Variants in SOAT1 observed in about 807,000 individuals in gnomAD.
The protein encoded by SOAT1 is sterol O-acyltransferase 1, also known as acyl-coenzyme A:cholesterol acyltransferase 1.
In SOAT1, 55 loss-of-function variants were observed where a neutral mutation model predicts 69.5. That is an observed-to-expected ratio of 0.79 (90% CI 0.64 to 0.99). The LOEUF is 0.99. Among genes scored for constraint, SOAT1 ranks in the 50% least tolerant of loss-of-function variants. SOAT1 has a pLI of 0.00. For synonymous variants in SOAT1, 231 were observed against 224.7 expected (o/e 1.03, Z -0.25); for missense variants, 580 against 669.3 (o/e 0.87, Z 1.47).
intron 3 of SOAT1, among the ~76,000 whole-genome samples, chr1:179,324,514 A>G (rs1206896778): frequency 1.3e-5 from 2 of 152,256 alleles, no homozygotes; most frequent in African/African-American, 4.8e-5. Context: ...ACTGCTTTAT[A>G]AAGTGGTACT....
At chr1:179,320,604 A>G (rs1165914988) in intron 2 of SOAT1, among the ~76,000 whole-genome samples, 2 of 152,202 alleles carry the variant, frequency 1.3e-5, no homozygotes, top group African/African-American at 4.8e-5. Flanking sequence ...TAACAATATT[A>G]AATCTTCTAG....
intron 13 of SOAT1, among the ~76,000 whole-genome samples, chr1:179,349,485 G>A (rs1433176505): frequency 1.3e-5 from 2 of 151,788 alleles, no homozygotes; most frequent in African/African-American, 2.4e-5. Flanking sequence ...GCACCACCAC[G>A]CCCAGCTAAT....
chr1:179,302,536 G>T (rs1203101828), intron 1 of SOAT1, 141 bp from the exon 2 acceptor site: 2 of 489,148 alleles, frequency 4.1e-6, no homozygotes, highest in Admixed American at 3.5e-5. Context: ...TGCCATGATT[G>T]TAAGTTTCCT....
At chr1:179,307,060 A>T (rs17368880) in intron 2 of SOAT1, among the ~76,000 whole-genome samples, 2 of 151,970 alleles carry the variant, frequency 1.3e-5, no homozygotes, top group African/African-American at 4.8e-5. Flanking sequence ...TAGAAAGACC[A>T]CCTTTAATAC....
chr1:179,324,796 CTAGT>C (rs1386981479), intron 3 of SOAT1, among the ~76,000 whole-genome samples: 4 of 118,166 alleles, frequency 3.4e-5, no homozygotes, highest in Non-Finnish European at 7.5e-5. Flanking sequence ...TAGACACATG[CTAGT>C]TTGTTTGTTT....
chr1:179,348,802 G>GTA (rs1366040627), intron 12 of SOAT1, 42 bp from the exon 13 acceptor site: 1 of 510,686 alleles, frequency 2.0e-6, no homozygotes, highest in Non-Finnish European at 3.4e-6. Flanking sequence ...GTGTGTGTGT[G>GTA]TGTGTGTGTG....
intron 1 of SOAT1, among the ~76,000 whole-genome samples, chr1:179,299,519 G>A (rs1240345841): frequency 6.6e-6 from 1 of 151,912 alleles, no homozygotes; most frequent in East Asian, 1.9e-4. Flanking sequence ...CTATAGACAG[G>A]GAAGAGTATA....
intron 2 of SOAT1, among the ~76,000 whole-genome samples, chr1:179,318,273 A>G (rs10913718): frequency 0.49 from 74,848 of 151,248 alleles, 19,576 homozygotes; most frequent in East Asian, 0.84. Flanking sequence ...TAAAATTATA[A>G]TGGTACCATG....
intron 11 of SOAT1, among the ~76,000 whole-genome samples, chr1:179,347,182 C>A (rs1666560520): frequency 6.6e-6 from 1 of 151,918 alleles, no homozygotes; most frequent in Non-Finnish European, 1.5e-5. Flanking sequence ...CATGGTGAAA[C>A]CCGGTCTCTA....
intron 1 of SOAT1, among the ~76,000 whole-genome samples, chr1:179,294,992 AG>A (rs1210922977): frequency 2.0e-5 from 3 of 151,836 alleles, no homozygotes; most frequent in African/African-American, 7.3e-5. Context: ...TGACTTGTTA[AG>A]GAAGTCTGTG....
chr1:179,310,210 A>T (rs1971494), intron 2 of SOAT1, among the ~76,000 whole-genome samples: 74,349 of 149,956 alleles, frequency 0.5, 19,351 homozygotes, highest in East Asian at 0.84. Context: ...GCTTATAGAT[A>T]TTTTTTTTGT....
intron 3 of SOAT1, among the ~76,000 whole-genome samples, chr1:179,330,963 T>A (rs1665949466): frequency 6.6e-6 from 1 of 152,250 alleles, no homozygotes; most frequent in Admixed American, 6.5e-5. Flanking sequence ...AGCAGTCATG[T>A]GCCCAGATAG....
At chr1:179,340,820 G>GAT (rs67855683) in intron 6 of SOAT1, among the ~76,000 whole-genome samples, 28,988 of 147,010 alleles carry the variant, frequency 0.2, 2,937 homozygotes, top group East Asian at 0.44. Context: ...ATATATTGTT[G>GAT]ATATATATAT....
At chr1:179,317,994 C>A (rs928835251) in intron 2 of SOAT1, among the ~76,000 whole-genome samples, 3 of 151,922 alleles carry the variant, frequency 2.0e-5, no homozygotes, top group Non-Finnish European at 4.4e-5. Flanking sequence ...AAGTCAAGCC[C>A]AGCCAGGGCA....
At chr1:179,338,391 C>A (rs1666228541) in intron 5 of SOAT1, among the ~76,000 whole-genome samples, 1 of 152,096 alleles carries the variant, frequency 6.6e-6, no homozygotes, top group South Asian at 2.1e-4. Flanking sequence ...CCCAGCAACT[C>A]CAGCCTGGGT....
intron 1 of SOAT1, 65 bp from the exon 2 acceptor site, chr1:179,302,612 C>A: frequency 3.3e-6 from 3 of 909,236 alleles, no homozygotes; most frequent in Non-Finnish European, 4.9e-6. Context: ...ATTACCCAGT[C>A]TCAGGTAGTG....
chr1:179,323,227 T>C (rs532660889), intron 2 of SOAT1, among the ~76,000 whole-genome samples: 76 of 152,320 alleles, frequency 5.0e-4, no homozygotes, highest in African/African-American at 1.7e-3. Flanking sequence ...ATCGTTGTAA[T>C]TACTGTGTGT....
chr1:179,353,375 G>T (rs926152089), intron 15 of SOAT1, among the ~76,000 whole-genome samples: 5 of 149,870 alleles, frequency 3.3e-5, no homozygotes, highest in African/African-American at 1.2e-4. Context: ...AAAGCTTTAT[G>T]TGAAGCACCT....
At position 179,343,573 on chromosome 1, in the gene SOAT1, GTTTC is replaced by G. The variant is rs767521316; in HGVS notation, c.942-9_942-6del. The G allele has an allele frequency of 8.1e-6, 13 of 1,600,760 alleles. No homozygotes were observed. The African/African-American group carries it at 9.4e-5, about 12-fold the overall frequency. On this transcript the variant is annotated splice_polypyrimidine_tract_variant and intron_variant, in intron 9 of 15. Coordinates refer to ENST00000367619, the MANE Select transcript of SOAT1 (RefSeq NM_003101.6). ...TACTTTATTTAGAAACCTTATTTTT[GTTTC>G]TTTCTTTTTCAGGAATCCCACTGTA...
Sources: gnomAD v4.1 joint callset for allele counts (sites outside exome capture counted in the v4.1 genomes callset) on GRCh38, gnomAD v4.1.1 for gene constraint, MANE v1.5 for transcripts, NCBI Gene and HGNC (gene_info 2026-07-23, HGNC 2026-07-21) for gene names.